Variants in ADH5 observed in about 807,000 individuals in gnomAD.
ADH5 encodes alcohol dehydrogenase class-3.
A neutral mutation model predicts 40.3 loss-of-function variants in ADH5; 32 were observed. The ratio of observed to expected loss-of-function variants is 0.79; its 90% CI spans 0.60 to 1.07. The LOEUF is 1.07. Ranked by LOEUF, ADH5 falls within the 50% of genes least tolerant of loss-of-function variation. ADH5 has a pLI of 0.00. For missense variants in ADH5, 353 were observed against 460.5 expected (o/e 0.77, Z 2.14); for synonymous variants, 125 against 154.3 (o/e 0.81, Z 1.41).
In ADH5 at chr4:99,088,686, T is replaced by C. The variant is rs771247299; in HGVS notation, c.12+3A>G. ...TCAGGGCCCTCCGCTCAACGGGCCC[T>C]ACCTCGTTCGCCATGTTCACGGATT... On this transcript the variant is annotated splice_donor_region_variant and intron_variant, in intron 1 of 8. Coordinates refer to ENST00000296412, the MANE Select transcript of ADH5 (RefSeq NM_000671.4). 80 of 1,606,872 alleles carry C rather than the reference T, an allele frequency of 5.0e-5. No individual in the cohort carries two copies. Among genetic ancestry groups the C allele is most frequent in the Non-Finnish European group, 5.4e-5 (63 of 1,176,146 alleles).
intron 6 of ADH5, 143 bp from the exon 7 acceptor site, chr4:99,075,192 T>G: frequency 1.6e-6 from 1 of 626,736 alleles, no homozygotes; most frequent in Non-Finnish European, 2.5e-6. Context: ...AGCTCAATGT[T>G]ATTGAACAAT....
At chr4:99,076,659 A>AT in intron 5 of ADH5, 45 bp downstream of exon 5, 1 of 1,602,056 alleles carries the variant, frequency 6.2e-7, no homozygotes, top group Admixed American at 1.7e-5. Context: ...GTTTCACTGA[A>AT]TTAAATTAGA....
chr4:99,075,332 G>A (rs773174231), intron 6 of ADH5: 3 of 180,166 alleles, frequency 1.7e-5, no homozygotes, highest in East Asian at 1.4e-4. Flanking sequence ...AGTGATTCTC[G>A]TGCCTCAGCC....
At chr4:99,081,477 T>TATTCAG in intron 3 of ADH5, 25 bp from the exon 4 acceptor site, 1 of 1,480,092 alleles carries the variant, frequency 6.8e-7, no homozygotes, top group Non-Finnish European at 9.4e-7. Flanking sequence ...AAAGACATCC[T>TATTCAG]GAATAGGTAG....
chr4:99,081,509 A>T, intron 3 of ADH5, 57 bp from the exon 4 acceptor site: 1 of 1,275,046 alleles, frequency 7.8e-7, no homozygotes, highest in Non-Finnish European at 1.1e-6. Context: ...AAATGAAAAC[A>T]TCAGCCCTTG....
chr4:99,076,310 A>G lies in ADH5; in HGVS notation c.807T>C (p.Ile269=). Residue 269 remains isoleucine, a synonymous_variant, in exon 6 of 9, where the codon ATT becomes ATC. Transcript: ENST00000296412. ...TACTCACCATGACCTTCACATTACC[A>G]ATACATTCAAAGGAATAGTCCACTC... ...DGGVDYSFEC[I]GNVKVMRAAL... is the part of the protein sequence containing the mutation. The G allele has an allele frequency of 6.2e-7, 1 of 1,614,072 alleles. No homozygotes were observed. The highest frequency in any genetic ancestry group is 8.5e-7 in the Non-Finnish European group (1 of 1,179,906).
chr4:99,083,148 T>C (rs970440682), intron 2 of ADH5, among the ~76,000 whole-genome samples: 3 of 152,182 alleles, frequency 2.0e-5, no homozygotes, highest in African/African-American at 7.2e-5. Flanking sequence ...TACAGCTCAA[T>C]GAGCACAATG....
intron 6 of ADH5, chr4:99,076,031 C>T (rs191667758): frequency 2.4e-6 from 1 of 410,910 alleles, no homozygotes; most frequent in East Asian, 5.0e-5. Flanking sequence ...CTCTGCACAA[C>T]TGCTTTATTC....
intron 6 of ADH5, chr4:99,075,309 C>T (rs1458228521): frequency 1.9e-5 from 4 of 206,890 alleles, no homozygotes; most frequent in Non-Finnish European, 2.8e-5. Context: ...GCAATGTCCA[C>T]CTCCTGGGTT....
rs560164383 is a variant in ADH5, at chr4:99,082,221, C to G, written c.115-105G>C. The G allele has an allele frequency of 1.6e-5, 18 of 1,154,312 alleles. No homozygotes were observed. The African/African-American group carries it at 2.6e-4, about 17-fold the overall frequency. 71.5% of individuals were successfully genotyped at this position (1,154,312 alleles called of 1,614,324 possible). A position where few individuals can be genotyped will look rare whatever the true frequency, so the allele number is the denominator to read the frequency against. ...ATTATAATACTATATTTCATTGACT[C>G]TAAGACACATTTCTTTCATATTTTA... On this transcript the variant is annotated intron_variant, in intron 2 of 8. Transcript: ENST00000296412.
chr4:99,080,311 A>G (rs542728667), intron 4 of ADH5: 2 of 204,020 alleles, frequency 9.8e-6, no homozygotes, highest in Non-Finnish European at 2.0e-5. Context: ...TGAGCCAACA[A>G]ATTTCCAGAT....
intron 4 of ADH5, among the ~76,000 whole-genome samples, chr4:99,078,481 G>A (rs1209591105): frequency 1.3e-5 from 2 of 152,116 alleles, no homozygotes; most frequent in Admixed American, 1.3e-4. Flanking sequence ...ATGGCTCACT[G>A]CAACCTCAAC....
At chr4:99,077,258 C>A (rs1173236805) in intron 4 of ADH5, among the ~76,000 whole-genome samples, 1 of 152,140 alleles carries the variant, frequency 6.6e-6, no homozygotes, top group African/African-American at 2.4e-5. Context: ...TGCAGTGGCT[C>A]ACTCCTATAA....
At chr4:99,079,934 C>T (rs893494281) in intron 4 of ADH5, 29 of 444,666 alleles carry the variant, frequency 6.5e-5, no homozygotes, top group African/African-American at 5.7e-4. Flanking sequence ...ACAGAAAATT[C>T]TGTTTTATAT....
Position 99,082,057 on chromosome 4 carries a change from C to T in ADH5, c.174G>A (p.Glu58=). 1 of 1,613,938 alleles carries T rather than the reference C, an allele frequency of 6.2e-7. No individual in the cohort carries two copies. The highest frequency in any genetic ancestry group is 1.1e-5 in the South Asian group (1 of 91,084). Residue 58 remains glutamate (E), a synonymous_variant, in exon 3 of 9, where the codon GAG becomes GAA. Coordinates refer to ENST00000296412, the MANE Select transcript of ADH5 (RefSeq NM_000671.4). Reference sequence around the variant, plus strand: ...GTCCCAAGATCACTGGAAAACAACCCTCAGGATCAGCTCCACTCAGGGTAT... The same window carrying T: ...GTCCCAAGATCACTGGAAAACAACCTTCAGGATCAGCTCCACTCAGGGTAT... ...DAYTLSGADP[E]GCFPVILGHE... is the part of the protein sequence containing the mutation.
intron 1 of ADH5, among the ~76,000 whole-genome samples, chr4:99,085,813 A>G (rs1195902922): frequency 6.6e-6 from 1 of 152,212 alleles, no homozygotes; most frequent in South Asian, 2.1e-4. Flanking sequence ...CAAGGTGGGC[A>G]GATCATGAAG....
intron 1 of ADH5, 143 bp from the exon 2 acceptor site, chr4:99,085,359 T>G: frequency 2.2e-6 from 1 of 448,322 alleles, no homozygotes; most frequent in Non-Finnish European, 4.0e-6. Flanking sequence ...AGTGATATGT[T>G]TTTAGATTTC....
intron 4 of ADH5, 88 bp from the exon 5 acceptor site, chr4:99,077,011 T>A: frequency 1.1e-6 from 1 of 949,826 alleles, no homozygotes; most frequent in Non-Finnish European, 1.6e-6. Context: ...TAATGACCAG[T>A]AAATATTAAG....
Position 99,082,079 on chromosome 4 carries a change from G to C in ADH5, c.152C>G (p.Thr51Ser). The C allele has an allele frequency of 6.2e-7, 1 of 1,613,892 alleles. No individual in the cohort carries two copies. The highest frequency in any genetic ancestry group is 8.5e-7 in the Non-Finnish European group (1 of 1,179,854). Residue 51 changes from threonine to serine, a missense_variant, in exon 3 of 9, where the codon ACC becomes AGC. Transcript: ENST00000296412. The part of the protein sequence containing the change: ...ATAVCHTDAY[T>S]LSGADPEGCF... ...ACCCTCAGGATCAGCTCCACTCAGG[G>C]TATAGGCATCGGTGTGGCAAACCGC...
Sources: allele counts gnomAD v4.1 joint callset (sites outside exome capture counted in the v4.1 genomes callset), GRCh38; gene constraint gnomAD v4.1.1; transcripts MANE v1.5; gene names NCBI Gene and HGNC (gene_info 2026-07-23, HGNC 2026-07-21).